UBE2D3: variants seen among roughly 807,000 people sequenced by gnomAD.
UBE2D3 encodes ubiquitin conjugating enzyme E2 D3.
Under a neutral mutation model 22.8 loss-of-function variants are expected in UBE2D3, and 2 were observed. That is an observed-to-expected ratio of 0.09 (90% CI 0.04 to 0.28). The LOEUF (loss-of-function observed/expected upper bound fraction) is 0.28, where lower values mean the gene tolerates loss of function less well. Among genes scored for constraint, UBE2D3 ranks in the 10% least tolerant of loss-of-function variants. The pLI is 1.00. For synonymous variants in UBE2D3, 56 were observed against 60.4 expected, an observed-to-expected ratio of 0.93 and a Z score of 0.34; for missense variants, 27 against 182.5, an observed-to-expected ratio of 0.15 and a Z score of 4.91.
chr4:102,805,495 C>CTTT (rs5860731), intron 4 of UBE2D3, among the ~76,000 whole-genome samples: 2 of 140,640 alleles, frequency 1.4e-5, no homozygotes, highest in African/African-American at 5.2e-5. Flanking sequence ...CGTTGGTATT[C>CTTT]TTTTTTTTTT....
At chr4:102,860,423 ATG>A (rs869042732) in intron 1 of UBE2D3, among the ~76,000 whole-genome samples, 11 of 72,530 alleles carry the variant, frequency 1.5e-4, no homozygotes, top group South Asian at 4.6e-4. Context: ...GTGTGTGTGT[ATG>A]TGTGTGTGTG....
Position 102,799,396 on chromosome 4 carries a change from A to T in UBE2D3, c.398+11T>A. ...AAAACCACTTTTATAATAACTTTTT[A>T]ACATACTTACTTATCTCTGTCTGTT... On this transcript the variant is annotated intron_variant, in intron 7 of 7. Coordinates refer to ENST00000453744, the MANE Select transcript of UBE2D3 (RefSeq NM_181891.3). The T allele has an allele frequency of 6.2e-7, 1 of 1,607,416 alleles. No homozygotes were observed. Among genetic ancestry groups the T allele is most frequent in the Non-Finnish European group, 8.5e-7 (1 of 1,175,730 alleles).
At chr4:102,858,410 C>CT (rs761527817) in intron 1 of UBE2D3, among the ~76,000 whole-genome samples, 1 of 151,844 alleles carries the variant, frequency 6.6e-6, no homozygotes, top group Non-Finnish European at 1.5e-5. Context: ...TGATGTTTTT[C>CT]TTGTCAGAGA....
rs531148089 is a variant in UBE2D3, at chr4:102,805,073, T to G, written c.121-2435A>C. On this transcript the variant is annotated intron_variant, in intron 4 of 7. Coordinates refer to ENST00000453744, the MANE Select transcript of UBE2D3 (RefSeq NM_181891.3). ...CATAAAATCAAATGCTGTCTATGAC[T>G]GCTTCTGAATAAAGGCAATCTGCTG... 2.0e-5 allele frequency among the ~76,000 whole-genome samples: 3 copies of G among 152,352 alleles called. No homozygotes were observed. In the South Asian group the frequency reaches 6.2e-4, roughly 32 times the overall value.
At chr4:102,828,997 A>G (rs1236299202), upstream of UBE2D3, among the ~76,000 whole-genome samples, 1 of 152,258 alleles carries the variant, frequency 6.6e-6, no homozygotes, top group Admixed American at 6.5e-5. Context: ...CTTAATTTGA[A>G]AACTGTTGCA....
At position 102,859,275 on chromosome 4, in the gene UBE2D3, G is replaced by T. The variant is rs187680828; in HGVS notation, c.-129+9440C>A. Among the ~76,000 whole-genome samples the T allele has an allele frequency of 1.1e-3, 163 of 152,114 alleles. 1 individual carries two copies. Among genetic ancestry groups the T allele is most frequent in the Non-Finnish European group, 2.2e-4 (15 of 67,926 alleles). The stretch of plus-strand genomic sequence containing the variant: ...TGCAAGGTTTGCTGAAAAACCTGCT[G>T]AAAGTCTTATAGGAGCTCCCTTGTA... On this transcript the variant is annotated intron_variant, in intron 1 of 7. Transcript: ENST00000338145.
At chr4:102,850,357 AT>A (rs1560890293) in intron 1 of UBE2D3, among the ~76,000 whole-genome samples, 1 of 152,074 alleles carries the variant, frequency 6.6e-6, no homozygotes, top group East Asian at 1.9e-4. Flanking sequence ...CTATATTTCA[AT>A]TTTTTAAAAG....
At chr4:102,841,298 A>G (rs180810434) in intron 1 of UBE2D3, among the ~76,000 whole-genome samples, 2 of 152,282 alleles carry the variant, frequency 1.3e-5, no homozygotes, top group African/African-American at 4.8e-5. Flanking sequence ...AATATATGTA[A>G]TAGGAAGCTA....
intron 1 of UBE2D3, among the ~76,000 whole-genome samples, chr4:102,865,262 G>T (rs2110384134): frequency 1.3e-5 from 2 of 152,268 alleles, no homozygotes; most frequent in African/African-American, 4.8e-5. Flanking sequence ...GGGAGGCAGA[G>T]GCAGGTGGAT....
At chr4:102,858,369 A>T (rs529602992) in intron 1 of UBE2D3, among the ~76,000 whole-genome samples, 1 of 152,074 alleles carries the variant, frequency 6.6e-6, no homozygotes, top group Admixed American at 6.6e-5. Context: ...CACCAGTGGT[A>T]GTTTAAGGCT....
chr4:102,801,488 T>C lies in UBE2D3; in HGVS notation c.270A>G (p.Arg90=). 2 of 1,609,630 alleles carry C rather than the reference T, an allele frequency of 1.2e-6. No individual in the cohort carries two copies. Among genetic ancestry groups the C allele is most frequent in the Non-Finnish European group, 1.7e-6 (2 of 1,178,458 alleles). ...SNGSICLDIL[R]SQWSPALTIS... Reference sequence around the variant, plus strand: ...TTGTTAAAGCAGGCGACCACTGTGATCTTAGAATATCGAGACAAATGCTGC... The same window carrying C: ...TTGTTAAAGCAGGCGACCACTGTGACCTTAGAATATCGAGACAAATGCTGC... Residue 90 remains arginine, a synonymous_variant, in exon 6 of 8, where the codon AGA becomes AGG. Transcript: ENST00000453744.
Position 102,826,603 on chromosome 4 carries a change from C to T in UBE2D3, c.-95G>A. The T allele has an allele frequency of 1.3e-6, 2 of 1,599,848 alleles. No homozygotes were observed. The highest frequency in any genetic ancestry group is 1.7e-6 in the Non-Finnish European group (2 of 1,177,792). On this transcript the variant is annotated 5_prime_UTR_variant, in exon 2 of 8. Coordinates refer to ENST00000453744, the MANE Select transcript of UBE2D3 (RefSeq NM_181891.3). ...TATCCCGGCGGCGGGGCAGGATTGT[C>T]TCGTCTCACACCAGCTCTGCCAGAC...
At chr4:102,827,301 A>T in intron 1 of UBE2D3, 126 bp downstream of exon 1, 1 of 943,762 alleles carries the variant, frequency 1.1e-6, no homozygotes, top group Non-Finnish European at 1.3e-6. Flanking sequence ...CAACCTTCCC[A>T]CCCTAACCCA....
upstream of UBE2D3, among the ~76,000 whole-genome samples, chr4:102,830,622 G>T (rs1478382029): frequency 3.3e-5 from 5 of 152,256 alleles, no homozygotes; most frequent in African/African-American, 1.2e-4. Flanking sequence ...CCAGCACTTT[G>T]TGAGGCCAAG....
At chr4:102,849,244 G>C (rs1331976319) in intron 1 of UBE2D3, among the ~76,000 whole-genome samples, 3 of 150,420 alleles carry the variant, frequency 2.0e-5, no homozygotes, top group Non-Finnish European at 4.4e-5. Flanking sequence ...CACACCTGTA[G>C]TCCCAGGTAC....
chr4:102,846,784 C>T (rs112172003), intron 1 of UBE2D3, among the ~76,000 whole-genome samples: 2,012 of 151,662 alleles, frequency 0.013, 21 homozygotes, highest in African/African-American at 0.037. Flanking sequence ...GGACTACAGG[C>T]GCAAACCACC....
At chr4:102,825,831 A>T (rs1730375640) in intron 2 of UBE2D3, 1 of 452,250 alleles carries the variant, frequency 2.2e-6, no homozygotes, top group African/African-American at 2.0e-5. Flanking sequence ...TGTCCCTCGG[A>T]TAAATAGCTT....
chr4:102,802,576 G>A lies in UBE2D3; in HGVS notation c.183C>T (p.Pro61=), dbSNP rs752271324. 3.7e-6 allele frequency: 6 copies of A among 1,607,848 alleles called. No homozygotes were observed. The highest frequency in any genetic ancestry group is 3.3e-5 in the South Asian group (3 of 90,192). Residue 61 remains proline, a synonymous_variant, in exon 5 of 8, where the codon CCC becomes CCT. Coordinates refer to ENST00000453744, the MANE Select transcript of UBE2D3 (RefSeq NM_181891.3). ...FLTIHFPTDY[P]FKPPKVAFTT... is the part of the protein sequence containing the mutation. ...AAATACTTGCCTTAGGTGGTTTGAA[G>A]GGGTAGTCTGTAGGAAAATGAATTG...
intron 1 of UBE2D3, among the ~76,000 whole-genome samples, chr4:102,859,868 T>C (rs991404638): frequency 1.5e-4 from 22 of 150,920 alleles, no homozygotes; most frequent in Admixed American, 1.4e-3. Context: ...TTTTTTGATA[T>C]GGAGTCTCGC....
Sources: allele counts gnomAD v4.1 joint callset (sites outside exome capture counted in the v4.1 genomes callset), GRCh38; gene constraint gnomAD v4.1.1; transcripts MANE v1.5; gene names NCBI Gene and HGNC (gene_info 2026-07-23, HGNC 2026-07-21).